MAP3K5: variants seen among roughly 807,000 people sequenced by gnomAD.
The protein encoded by MAP3K5 is ASK-1.
MAP3K5 carries 56 observed loss-of-function variants against 158.7 expected under a neutral mutation model. The observed-to-expected ratio is 0.35, with a 90% CI of 0.28 to 0.44. The LOEUF (loss-of-function observed/expected upper bound fraction) is 0.44, where lower values mean the gene tolerates loss of function less well. Ranked by LOEUF, MAP3K5 falls within the 20% of genes least tolerant of loss-of-function variation. The probability of loss-of-function intolerance (pLI) is 1.00; values close to 1 mark genes in which losing one functional copy is unlikely to be tolerated. For missense variants in MAP3K5, 1,294 were observed against 1,674.8 expected, an observed-to-expected ratio of 0.77 and a Z score of 3.97; for synonymous variants, 579 against 601.7, an observed-to-expected ratio of 0.96 and a Z score of 0.55.
At chr6:136,677,485 T>C (rs1779758567) in intron 7 of MAP3K5, among the ~76,000 whole-genome samples, 1 of 152,020 alleles carries the variant, frequency 6.6e-6, no homozygotes, top group Non-Finnish European at 1.5e-5. Flanking sequence ...AGGGTAAGAG[T>C]GTTACAGTAT....
chr6:136,632,658 G>A (rs1777428361), intron 14 of MAP3K5, among the ~76,000 whole-genome samples: 1 of 152,158 alleles, frequency 6.6e-6, no homozygotes, highest in African/African-American at 2.4e-5. Context: ...GAGATCAGGG[G>A]AGTGACCAAG....
At chr6:136,604,442 T>A (rs1369907938) in intron 19 of MAP3K5, among the ~76,000 whole-genome samples, 1 of 152,200 alleles carries the variant, frequency 6.6e-6, no homozygotes, top group Non-Finnish European at 1.5e-5. Context: ...AATTTTTTTT[T>A]AAGTCCTCTG....
rs889094485 is a variant in MAP3K5, at chr6:136,557,411, G to A, written c.*347C>T. The A allele has an allele frequency of 9.4e-6, 2 of 212,658 alleles. No individual in the cohort carries two copies. Among genetic ancestry groups the A allele is most frequent in the Non-Finnish European group, 1.9e-5 (2 of 105,858 alleles). 13.2% of individuals were successfully genotyped at this position (212,658 alleles called of 1,614,324 possible). A position where few individuals can be genotyped will look rare whatever the true frequency, so the allele number is the denominator to read the frequency against. On this transcript the variant is annotated 3_prime_UTR_variant, in exon 30 of 30. Coordinates refer to ENST00000359015, the MANE Select transcript of MAP3K5 (RefSeq NM_005923.4). ...CCAGTGGTGCACGATCACATGAAATGTTACATCCGTTTTGTGTGAAATAAA... is the reference window on the plus strand; with the variant it reads ...CCAGTGGTGCACGATCACATGAAATATTACATCCGTTTTGTGTGAAATAAA...
intron 1 of MAP3K5, among the ~76,000 whole-genome samples, chr6:136,758,505 A>G (rs1036849569): frequency 1.6e-4 from 25 of 152,372 alleles, no homozygotes; most frequent in South Asian, 2.1e-4. Context: ...TTTTTAAAAA[A>G]GCCATGGGCC....
chr6:136,598,711 G>C (rs1175355606), intron 21 of MAP3K5, among the ~76,000 whole-genome samples: 1 of 152,190 alleles, frequency 6.6e-6, no homozygotes, highest in Non-Finnish European at 1.5e-5. Flanking sequence ...AGAACCTTGA[G>C]AGGTGGGCCT....
intron 1 of MAP3K5, among the ~76,000 whole-genome samples, chr6:136,773,651 C>A: frequency 1.3e-5 from 2 of 151,894 alleles, no homozygotes; most frequent in East Asian, 3.9e-4. Context: ...TTGGTTGGTT[C>A]GTTGGTTGTT....
chr6:136,660,466 A>G (rs1197698993), intron 8 of MAP3K5, among the ~76,000 whole-genome samples: 2 of 152,300 alleles, frequency 1.3e-5, no homozygotes, highest in African/African-American at 2.4e-5. Flanking sequence ...CTGTCTTGTT[A>G]TGTCACTGTC....
chr6:136,771,114 T>C (rs1439110607), intron 1 of MAP3K5, among the ~76,000 whole-genome samples: 1 of 152,142 alleles, frequency 6.6e-6, no homozygotes, highest in Non-Finnish European at 1.5e-5. Context: ...GTAGAGCAGA[T>C]GCTTAACCTA....
intron 1 of MAP3K5, among the ~76,000 whole-genome samples, chr6:136,727,152 C>T (rs1782003960): frequency 6.6e-6 from 1 of 152,026 alleles, no homozygotes; most frequent in African/African-American, 2.4e-5. Flanking sequence ...TGAAATGATC[C>T]TAAGACATAT....
intron 14 of MAP3K5, among the ~76,000 whole-genome samples, chr6:136,627,758 G>A (rs1583296611): frequency 6.6e-6 from 1 of 152,274 alleles, no homozygotes; most frequent in African/African-American, 2.4e-5. Context: ...CTCAGCCTCT[G>A]GAACTGTGAG....
At chr6:136,759,967 A>G (rs1261883960) in intron 1 of MAP3K5, among the ~76,000 whole-genome samples, 1 of 152,046 alleles carries the variant, frequency 6.6e-6, no homozygotes, top group Non-Finnish European at 1.5e-5. Context: ...CCAGCCCTCT[A>G]TTTTCAAAGA....
At chr6:136,737,020 C>CATATATATATGTGTGTATATATAT (rs1562658730) in intron 1 of MAP3K5, among the ~76,000 whole-genome samples, 29 of 78,660 alleles carry the variant, frequency 3.7e-4, no homozygotes, top group African/African-American at 1.8e-3. Context: ...ATTAATTTTA[C>CATATATATATGTGTGTATATATAT]ATATATATAT....
intron 8 of MAP3K5, among the ~76,000 whole-genome samples, chr6:136,665,473 A>G (rs971830459): frequency 8.6e-5 from 13 of 151,982 alleles, no homozygotes; most frequent in African/African-American, 3.1e-4. Flanking sequence ...CAGTCTCCCA[A>G]GGAGCTGGAA....
intron 21 of MAP3K5, among the ~76,000 whole-genome samples, chr6:136,597,266 G>A (rs1051443030): frequency 2.6e-5 from 4 of 152,172 alleles, no homozygotes; most frequent in African/African-American, 7.2e-5. Context: ...GCAACCCTAT[G>A]GACTCCAGAT....
At chr6:136,719,977 TCTC>T (rs1455602956) in intron 2 of MAP3K5, among the ~76,000 whole-genome samples, 4 of 152,164 alleles carry the variant, frequency 2.6e-5, no homozygotes, top group Non-Finnish European at 4.4e-5. Flanking sequence ...ATAGTAAGTT[TCTC>T]CTCCTTTTCT....
intron 14 of MAP3K5, among the ~76,000 whole-genome samples, chr6:136,632,738 C>T (rs1777433090): frequency 6.6e-6 from 1 of 152,060 alleles, no homozygotes; most frequent in Admixed American, 6.6e-5. Context: ...AGGGGTTTCT[C>T]AGGAATCTGG....
At chr6:136,723,684 T>C (rs1781838563) in intron 1 of MAP3K5, among the ~76,000 whole-genome samples, 1 of 152,194 alleles carries the variant, frequency 6.6e-6, no homozygotes, top group Non-Finnish European at 1.5e-5. Flanking sequence ...CTTGAGAAGC[T>C]GTTTGGTGCA....
chr6:136,664,682 T>C (rs1296750466), intron 8 of MAP3K5, among the ~76,000 whole-genome samples: 1 of 152,140 alleles, frequency 6.6e-6, no homozygotes, highest in Non-Finnish European at 1.5e-5. Flanking sequence ...CTCGGCCGGA[T>C]GTGGTGGCTC....
intron 14 of MAP3K5, among the ~76,000 whole-genome samples, chr6:136,627,736 G>T (rs1276432711): frequency 6.6e-6 from 1 of 152,150 alleles, no homozygotes; most frequent in East Asian, 1.9e-4. Flanking sequence ...CTGGTGCCTT[G>T]ATCTTGGATT....
Sources: allele counts gnomAD v4.1 joint callset (sites outside exome capture counted in the v4.1 genomes callset), GRCh38; gene constraint gnomAD v4.1.1; transcripts MANE v1.5; gene names NCBI Gene and HGNC (gene_info 2026-07-23, HGNC 2026-07-21).